The following PIEZO2 variants were observed in gnomAD, a reference collection of about 807,000 sequenced individuals.
PIEZO2 encodes piezo-type mechanosensitive ion channel component 2.
PIEZO2 carries 172 observed loss-of-function variants against 337.3 expected under a neutral mutation model. That is an observed-to-expected ratio of 0.51 (90% confidence interval 0.45 to 0.58). The LOEUF is 0.58. Among genes scored for constraint, PIEZO2 ranks in the 20% least tolerant of loss-of-function variants. PIEZO2 has a pLI of 0.00. For synonymous variants in PIEZO2, 1,251 were observed against 1,228.5 expected, an observed-to-expected ratio of 1.02 and a Z score of -0.38; for missense variants, 3,028 against 3,391.3, an observed-to-expected ratio of 0.89 and a Z score of 2.66.
intron 7 of PIEZO2, among the ~76,000 whole-genome samples, chr18:10,812,936 T>C (rs528866954): frequency 6.6e-6 from 1 of 152,184 alleles, no homozygotes; most frequent in Admixed American, 6.5e-5. Context: ...ACTTAAAAAA[T>C]GTTTATTTGA....
Position 10,727,029 on chromosome 18 carries a change from T to C in PIEZO2, c.5029+4378A>G. The C allele has an allele frequency of 1.4e-6, 1 of 713,384 alleles. No homozygotes were observed. The highest frequency in any genetic ancestry group is 2.4e-5 in the South Asian group (1 of 41,526). The allele number at this position is 713,384 out of a possible 1,614,324, so 44.2% of individuals were successfully genotyped here. A position where few individuals can be genotyped will look rare whatever the true frequency, so the allele number is the denominator to read the frequency against. ...AGCTGTTTGCTCTGTGCTTCCACGG[T>C]CTGGGTGTTTCTTGGGGGGTGTTGG... On this transcript the variant is annotated intron_variant, in intron 36 of 55. Coordinates refer to ENST00000674853, the MANE Select transcript of PIEZO2 (RefSeq NM_001378183.1). This position sits in a 1 kb window ranked among gnomAD's most constrained non-coding sequence, Gnocchi z 6.3.
rs1175876418 is a variant in PIEZO2, at chr18:11,035,513, A to T, written c.160+30614T>A. On this transcript the variant is annotated intron_variant, in intron 2 of 55. Coordinates refer to ENST00000674853, the MANE Select transcript of PIEZO2 (RefSeq NM_001378183.1). This position sits in a 1 kb window ranked among gnomAD's most constrained non-coding sequence, Gnocchi z 4.3. ...CTTTACATATCTCCCAGCCTCAGAT[A>T]TTCCTTTAGAGCAATGCAAAATGGG... 2.0e-5 allele frequency among the ~76,000 whole-genome samples: 3 copies of T among 152,186 alleles called. No homozygotes were observed. Among genetic ancestry groups the T allele is most frequent in the Non-Finnish European group, 4.4e-5 (3 of 68,032 alleles).
Position 10,837,515 on chromosome 18 carries a change from G to A in PIEZO2, c.917+17838C>T, listed in dbSNP as rs2144582567. Among the ~76,000 whole-genome samples, 1 of 152,264 alleles carries A rather than the reference G, an allele frequency of 6.6e-6. No individual in the cohort carries two copies. Among genetic ancestry groups the A allele is most frequent in the South Asian group, 2.1e-4 (1 of 4,826 alleles). ...CACATCCTTTAGAATGTTGGGGCCA[G>A]CAAGAAAGCTTGAGAACCACTGGTA... On this transcript the variant is annotated intron_variant, in intron 7 of 55. Coordinates refer to ENST00000674853, the MANE Select transcript of PIEZO2 (RefSeq NM_001378183.1). The surrounding 1 kb of genome is among the most constrained non-coding windows in gnomAD (Gnocchi z 4.4).
rs2039278773 is a variant in PIEZO2, at chr18:11,096,954, T to C, written c.65-30732A>G. 6.6e-6 allele frequency among the ~76,000 whole-genome samples: 1 copy of C among 152,244 alleles called. No homozygotes were observed. The highest frequency in any genetic ancestry group is 1.5e-5 in the Non-Finnish European group (1 of 68,054). On this transcript the variant is annotated intron_variant, in intron 1 of 55. Coordinates refer to ENST00000674853, the MANE Select transcript of PIEZO2 (RefSeq NM_001378183.1). The surrounding 1 kb of genome is among the most constrained non-coding windows in gnomAD (Gnocchi z 4.6). ...GGAGAAGGAAGCTGGCACAAGATTT[T>C]CACTTGCTTTGTCTAGGAAAGATTT...
At chr18:10,681,966 A>G (rs2034285676) in intron 50 of PIEZO2, 138 bp downstream of exon 50, 1 of 925,216 alleles carries the variant, frequency 1.1e-6, no homozygotes, top group Admixed American at 2.8e-5. Context: ...CACCTTATTC[A>G]TACATCAAGT....
At chr18:10,912,839 T>A (rs2030599166) in intron 3 of PIEZO2, among the ~76,000 whole-genome samples, 1 of 152,150 alleles carries the variant, frequency 6.6e-6, no homozygotes, top group South Asian at 2.1e-4. Flanking sequence ...TTCTGATAAA[T>A]AATAAATGAC....
chr18:10,769,895 C>G, intron 21 of PIEZO2: 1 of 375,906 alleles, frequency 2.7e-6, no homozygotes, highest in Non-Finnish European at 4.7e-6. Context: ...TCACACTCTT[C>G]CCTAAGGATT....
intron 1 of PIEZO2, among the ~76,000 whole-genome samples, chr18:11,122,468 C>T (rs1458290255): frequency 6.6e-6 from 1 of 152,136 alleles, no homozygotes; most frequent in African/African-American, 2.4e-5. Flanking sequence ...AATTTTCCTT[C>T]CTCTAAATTC....
At chr18:11,018,382 C>CGTGT (rs376013388) in intron 2 of PIEZO2, among the ~76,000 whole-genome samples, 2,167 of 114,158 alleles carry the variant, frequency 0.019, 52 homozygotes, top group East Asian at 0.041. Context: ...CCCAACATGT[C>CGTGT]GTGTGTGTGT....
At chr18:11,034,737 C>T (rs1670690279) in intron 2 of PIEZO2, among the ~76,000 whole-genome samples, 1 of 152,026 alleles carries the variant, frequency 6.6e-6, no homozygotes, top group African/African-American at 2.4e-5. Flanking sequence ...CCCAGCTACT[C>T]GGGAGACTGA....
At chr18:10,998,443 G>A (rs112545825) in intron 2 of PIEZO2, among the ~76,000 whole-genome samples, 2 of 151,672 alleles carry the variant, frequency 1.3e-5, no homozygotes, top group African/African-American at 4.8e-5. Context: ...TCTCTTTTTT[G>A]GATTTGGAAA....
intron 33 of PIEZO2, among the ~76,000 whole-genome samples, 176 bp from the exon 34 acceptor site, chr18:10,736,886 G>A (rs867265708): frequency 3.9e-5 from 6 of 152,148 alleles, no homozygotes; most frequent in South Asian, 4.1e-4. Context: ...CTAATGCTAC[G>A]CGGTGTTGGC....
chr18:10,755,992 GAGGAGGAGGGATGGAGAAT>G (rs2037825787), intron 27 of PIEZO2, among the ~76,000 whole-genome samples: 3 of 94,638 alleles, frequency 3.2e-5, no homozygotes, highest in Admixed American at 1.0e-4. Flanking sequence ...GATGGAGGAT[GAGGAGGAGGGATGGAGAAT>G]GAGGAGGAGG....
chr18:11,104,575 G>C lies in PIEZO2; in HGVS notation c.65-38353C>G, dbSNP rs977644355. ...AAGTCCTGCCCAAGCAGACTGGCTA[G>C]AAGGGCTGCCACATGGTCAGCCACA... On this transcript the variant is annotated intron_variant, in intron 1 of 55. Transcript: ENST00000674853. The surrounding 1 kb of genome is among the most constrained non-coding windows in gnomAD (Gnocchi z 4.6). 1.3e-5 allele frequency among the ~76,000 whole-genome samples: 2 copies of C among 152,308 alleles called. No homozygotes were observed. The highest frequency in any genetic ancestry group is 4.1e-4 in the South Asian group (2 of 4,824).
chr18:10,756,711 G>T (rs1479636769), intron 27 of PIEZO2, among the ~76,000 whole-genome samples: 2 of 151,266 alleles, frequency 1.3e-5, no homozygotes, highest in Non-Finnish European at 3.0e-5. Context: ...TGGAGGATGA[G>T]GAGGGATGGG....
At position 10,724,776 on chromosome 18, in the gene PIEZO2, C is replaced by T. The variant is rs575983483; in HGVS notation, c.5030-6517G>A. ...TGGCCTTGCCCGTGGCTCTGGCAGT[C>T]CCCCCAGCACTGCAGCCCCAGCCTG... On this transcript the variant is annotated intron_variant, in intron 36 of 55. Coordinates refer to ENST00000674853, the MANE Select transcript of PIEZO2 (RefSeq NM_001378183.1). The surrounding 1 kb of genome is among the most constrained non-coding windows in gnomAD (Gnocchi z 5.8). The T allele has an allele frequency of 2.6e-6, 4 of 1,566,796 alleles. No homozygotes were observed. Among genetic ancestry groups the T allele is most frequent in the East Asian group, 4.5e-5 (2 of 44,334 alleles).
chr18:11,059,845 C>A (rs1038621890), intron 2 of PIEZO2, among the ~76,000 whole-genome samples: 33 of 152,122 alleles, frequency 2.2e-4, no homozygotes, highest in Non-Finnish European at 1.3e-4. Flanking sequence ...TTAGACAGAT[C>A]AATGAGACAG....
chr18:10,906,051 C>T (rs1020241418), intron 4 of PIEZO2, among the ~76,000 whole-genome samples: 1 of 152,122 alleles, frequency 6.6e-6, no homozygotes, highest in Non-Finnish European at 1.5e-5. Flanking sequence ...GGGGAAGAGG[C>T]TTGCTGACAG....
chr18:11,118,557 A>T (rs2039950491), intron 1 of PIEZO2, among the ~76,000 whole-genome samples: 1 of 152,234 alleles, frequency 6.6e-6, no homozygotes, highest in African/African-American at 2.4e-5. Flanking sequence ...TTCATAACAG[A>T]AATAATGTAA....
Sources: gnomAD v4.1 joint callset for allele counts (sites outside exome capture counted in the v4.1 genomes callset) on GRCh38, gnomAD v4.1.1 for gene constraint, Gnocchi (gnomAD v3.1) non-coding constraint, MANE v1.5 for transcripts, NCBI Gene and HGNC (gene_info 2026-07-23, HGNC 2026-07-21) for gene names.